Variants in PDE11A observed in about 807,000 individuals in gnomAD.
PDE11A encodes dual 3',5'-cyclic-AMP and -GMP phosphodiesterase 11A.
A neutral mutation model predicts 100.5 loss-of-function variants in PDE11A; 100 were observed. The observed-to-expected ratio is 1.00, with a 90% CI of 0.85 to 1.18. The LOEUF (loss-of-function observed/expected upper bound fraction) is 1.18. PDE11A is among the 50% of genes most tolerant of loss of function. The probability of loss-of-function intolerance (pLI) is 0.00; values close to 1 mark genes in which losing one functional copy is unlikely to be tolerated. For synonymous variants in PDE11A, 381 were observed against 420.8 expected, an observed-to-expected ratio of 0.91 and a Z score of 1.16; for missense variants, 1,141 against 1,152.6, an observed-to-expected ratio of 0.99 and a Z score of 0.15.
intron 1 of PDE11A, among the ~76,000 whole-genome samples, chr2:178,067,677 A>T (rs1329518185): frequency 1.3e-5 from 2 of 152,156 alleles, no homozygotes; most frequent in East Asian, 3.9e-4. Flanking sequence ...GACTAACATC[A>T]TTTAGTTTGT....
At chr2:177,770,810 T>C (rs2082301271) in intron 9 of PDE11A, among the ~76,000 whole-genome samples, 1 of 152,226 alleles carries the variant, frequency 6.6e-6, no homozygotes, top group African/African-American at 2.4e-5. Flanking sequence ...ATATGTTTTA[T>C]GCTGCCAGAC....
chr2:177,924,971 T>C (rs1318021386), intron 2 of PDE11A, among the ~76,000 whole-genome samples: 1 of 147,506 alleles, frequency 6.8e-6, no homozygotes, highest in African/African-American at 2.5e-5. Context: ...TGAGTGAGAA[T>C]ATGCGGTGTT....
chr2:177,881,752 T>C (rs1437750244), intron 4 of PDE11A, among the ~76,000 whole-genome samples: 2 of 152,248 alleles, frequency 1.3e-5, no homozygotes, highest in Non-Finnish European at 2.9e-5. Context: ...TTAATTTAAG[T>C]ATTGTCTGTG....
chr2:177,859,002 A>C (rs1404749539), intron 5 of PDE11A, among the ~76,000 whole-genome samples: 1 of 152,098 alleles, frequency 6.6e-6, no homozygotes, highest in East Asian at 1.9e-4. Context: ...AAGAACAAAA[A>C]ACCAAACACC....
rs1192366061 is a variant in PDE11A at position 177,986,466 on chromosome 2, T to C, written c.1071+27836A>G. Among the ~76,000 whole-genome samples, 4 of 152,202 alleles carry C rather than the reference T, an allele frequency of 2.6e-5. No homozygotes were observed. In the East Asian group the frequency reaches 7.7e-4, roughly 29 times the overall value. ...ATATCCATAGTGATTAAGGAGCTGGTTCCAGTCCATATTCCACCACTTACT... is the reference window on the plus strand; with the variant it reads ...ATATCCATAGTGATTAAGGAGCTGGCTCCAGTCCATATTCCACCACTTACT... On this transcript the variant is annotated intron_variant, in intron 2 of 19. Transcript: ENST00000286063.
At chr2:177,639,205 G>A (rs1400004256) in intron 19 of PDE11A, among the ~76,000 whole-genome samples, 3 of 152,156 alleles carry the variant, frequency 2.0e-5, no homozygotes, top group African/African-American at 7.2e-5. Context: ...ACTGTATTAT[G>A]TTGTCTGTTG....
At chr2:177,944,816 C>CTCTCCG (rs930904155) in intron 2 of PDE11A, among the ~76,000 whole-genome samples, 2 of 125,000 alleles carry the variant, frequency 1.6e-5, no homozygotes, top group Non-Finnish European at 3.6e-5. Context: ...CTCCCTCTCC[C>CTCTCCG]TCTCCCTCTC....
intron 1 of PDE11A, among the ~76,000 whole-genome samples, chr2:178,027,697 C>G (rs1272118845): frequency 6.6e-6 from 1 of 151,958 alleles, no homozygotes; most frequent in Non-Finnish European, 1.5e-5. Flanking sequence ...CCCAGAATGC[C>G]AAAGGAACTT....
intron 10 of PDE11A, among the ~76,000 whole-genome samples, chr2:177,759,354 A>G (rs747731296): frequency 2.0e-5 from 3 of 152,186 alleles, no homozygotes; most frequent in African/African-American, 7.2e-5. Flanking sequence ...ATCAAGTATC[A>G]CTATAGGAAA....
intron 4 of PDE11A, among the ~76,000 whole-genome samples, chr2:177,882,347 A>G (rs2105705665): frequency 6.6e-6 from 1 of 152,374 alleles, no homozygotes; most frequent in African/African-American, 2.4e-5. Context: ...TTTGGATATA[A>G]TTTAACGGGA....
At chr2:177,637,997 ATTTTTTTTT>A (rs10556235) in intron 19 of PDE11A, among the ~76,000 whole-genome samples, 1 of 106,536 alleles carries the variant, frequency 9.4e-6, no homozygotes, top group African/African-American at 4.0e-5. Context: ...ATATATATAT[ATTTTTTTTT>A]TTTTTTTTTT....
chr2:177,872,580 A>T (rs1365316229), intron 5 of PDE11A, among the ~76,000 whole-genome samples: 5 of 152,242 alleles, frequency 3.3e-5, no homozygotes, highest in African/African-American at 1.2e-4. Flanking sequence ...ACCAGAGTTC[A>T]TCAGAATTGA....
chr2:177,704,317 G>A (rs751611831), intron 13 of PDE11A, among the ~76,000 whole-genome samples: 8 of 152,130 alleles, frequency 5.3e-5, no homozygotes, highest in Non-Finnish European at 1.0e-4. Flanking sequence ...CTCAGAGAAT[G>A]GAGCATGGTA....
intron 9 of PDE11A, among the ~76,000 whole-genome samples, chr2:177,811,670 G>A (rs988245576): frequency 2.6e-5 from 4 of 151,884 alleles, no homozygotes; most frequent in African/African-American, 9.7e-5. Flanking sequence ...AAGTCTTTTG[G>A]GGAAGCTTTG....
chr2:177,853,642 A>ATG lies in PDE11A; in HGVS notation c.1368-13260_1368-13259insCA. On this transcript the variant is annotated intron_variant, in intron 5 of 19. Coordinates refer to ENST00000286063, the MANE Select transcript of PDE11A (RefSeq NM_016953.4). ...CCTTCCCAACAAGTCCTGCATATAT[A>ATG]TATATATATATATATATATATATAT... Among the ~76,000 whole-genome samples the ATG allele has an allele frequency of 1.9e-4, 2 of 10,732 alleles. 1 individual carries two copies. The highest frequency in any genetic ancestry group is 6.7e-3 in the East Asian group (2 of 298). The allele number at this position is 10,732 out of a possible 152,430, so 7.0% of individuals were successfully genotyped here. A position where few individuals can be genotyped will look rare whatever the true frequency, so the allele number is the denominator to read the frequency against.
chr2:177,681,445 G>A lies in PDE11A; in HGVS notation c.2346-542C>T, dbSNP rs776320760. On this transcript the variant is annotated intron_variant, in intron 15 of 19. Coordinates refer to ENST00000286063, the MANE Select transcript of PDE11A (RefSeq NM_016953.4). The stretch of plus-strand genomic sequence containing the variant: ...TGAAAGTAACGGTGTTTAAACACTC[G>A]CTCAGCAACTCGCTTTGGAAAGTTA... Among the ~76,000 whole-genome samples the A allele has an allele frequency of 5.9e-5, 9 of 152,064 alleles. 1 individual carries two copies. In the Middle Eastern group the frequency reaches 0.01, roughly 172 times the overall value.
At chr2:177,701,475 C>T (rs2081196460) in intron 13 of PDE11A, among the ~76,000 whole-genome samples, 1 of 151,810 alleles carries the variant, frequency 6.6e-6, no homozygotes, top group African/African-American at 2.4e-5. Flanking sequence ...AGTCTCTGCC[C>T]CTAAGAAATT....
At chr2:177,754,366 A>AAAACAAT (rs1022322603) in intron 10 of PDE11A, among the ~76,000 whole-genome samples, 8 of 152,174 alleles carry the variant, frequency 5.3e-5, no homozygotes, top group African/African-American at 1.9e-4. Flanking sequence ...CAAAAAACAA[A>AAAACAAT]AAACAAAAAA....
At chr2:177,792,578 T>C (rs1375788223) in intron 9 of PDE11A, among the ~76,000 whole-genome samples, 3 of 152,216 alleles carry the variant, frequency 2.0e-5, no homozygotes, top group African/African-American at 4.8e-5. Context: ...AGCGTGGCTC[T>C]GCTGGGAGCT....
Sources: gnomAD v4.1 joint callset for allele counts (sites outside exome capture counted in the v4.1 genomes callset) on GRCh38, gnomAD v4.1.1 for gene constraint, MANE v1.5 for transcripts, NCBI Gene and HGNC (gene_info 2026-07-23, HGNC 2026-07-21) for gene names.